The following RELN variants were observed in gnomAD, a reference collection of about 807,000 sequenced individuals.
RELN encodes reelin.
Under a neutral mutation model 427.6 loss-of-function variants are expected in RELN, and 108 were observed. The observed-to-expected ratio is 0.25, with a 90% confidence interval of 0.22 to 0.30. The LOEUF is 0.30. Ranked by LOEUF, RELN falls within the 10% of genes least tolerant of loss-of-function variation. RELN has a pLI of 1.00. For missense variants in RELN, 3,715 were observed against 4,302.8 expected, an observed-to-expected ratio of 0.86 and a Z score of 3.82; for synonymous variants, 1,524 against 1,513.4, an observed-to-expected ratio of 1.01 and a Z score of -0.16.
intron 28 of RELN, among the ~76,000 whole-genome samples, chr7:103,583,943 C>T (rs923964756): frequency 2.0e-5 from 3 of 152,182 alleles, no homozygotes; most frequent in Non-Finnish European, 4.4e-5. Context: ...TCACTCATGC[C>T]CCACTCCTGA....
Position 103,735,420 on chromosome 7 carries a change from C to T in RELN, c.657-7213G>A, listed in dbSNP as rs576484239. Among the ~76,000 whole-genome samples the T allele has an allele frequency of 3.9e-5, 6 of 152,138 alleles. No individual in the cohort carries two copies. In the East Asian group the frequency reaches 1.2e-3, roughly 29 times the overall value. On this transcript the variant is annotated intron_variant, in intron 6 of 64. Transcript: ENST00000428762. ...TATGCTCAACCACCCATTCATTGGGCACAGAGGAAGATGAAGTGAAATGTC... is the reference window on the plus strand; with the variant it reads ...TATGCTCAACCACCCATTCATTGGGTACAGAGGAAGATGAAGTGAAATGTC...
chr7:103,580,211 A>G (rs771605666), intron 28 of RELN, among the ~76,000 whole-genome samples: 1 of 152,260 alleles, frequency 6.6e-6, no homozygotes, highest in Non-Finnish European at 1.5e-5. Context: ...TAGAATTCTC[A>G]GTTTTCCAAC....
At position 103,852,900 on chromosome 7, in the gene RELN, T is replaced by C. The variant is rs1181558959; in HGVS notation, c.338-19228A>G. 2.0e-5 allele frequency among the ~76,000 whole-genome samples: 3 copies of C among 152,030 alleles called. No homozygotes were observed. In the East Asian group the frequency reaches 5.8e-4, roughly 29 times the overall value. The stretch of plus-strand genomic sequence containing the variant: ...ATGTTTGCAGTTCTTCTAATTCCAA[T>C]AGTGCCTAGACAAGACAAATAACAA... On this transcript the variant is annotated intron_variant, in intron 2 of 64. Transcript: ENST00000428762.
At chr7:103,599,759 T>C (rs1831620738) in intron 24 of RELN, among the ~76,000 whole-genome samples, 1 of 152,048 alleles carries the variant, frequency 6.6e-6, no homozygotes, top group African/African-American at 2.4e-5. Context: ...ACTTGGATGG[T>C]GAGAAGAGCT....
At chr7:103,476,163 A>G (rs1441441465) in intron 64 of RELN, among the ~76,000 whole-genome samples, 1 of 152,168 alleles carries the variant, frequency 6.6e-6, no homozygotes, top group Non-Finnish European at 1.5e-5. Context: ...TAGTGTTTAT[A>G]TAGTCACATT....
At chr7:103,929,474 C>T (rs918336642) in intron 1 of RELN, among the ~76,000 whole-genome samples, 4 of 152,140 alleles carry the variant, frequency 2.6e-5, no homozygotes, top group Admixed American at 6.5e-5. Flanking sequence ...TCCTAGGAGA[C>T]GTACAGAGTT....
chr7:103,602,538 G>A (rs1831695817), intron 24 of RELN, among the ~76,000 whole-genome samples: 1 of 152,138 alleles, frequency 6.6e-6, no homozygotes, highest in Non-Finnish European at 1.5e-5. Flanking sequence ...GCAGGGACAT[G>A]GATGAAGTTG....
rs748056393 is a variant in RELN at position 103,519,521 on chromosome 7, G to A, written c.7669-5C>T. The A allele has an allele frequency of 1.3e-6, 2 of 1,595,238 alleles. No individual in the cohort carries two copies. The highest frequency in any genetic ancestry group is 2.7e-5 in the African/African-American group (2 of 73,834). On this transcript the variant is annotated splice_polypyrimidine_tract_variant and splice_region_variant and intron_variant, in intron 48 of 64. Transcript: ENST00000428762. The stretch of plus-strand genomic sequence containing the variant: ...GACTAATAATCGACTACAACCCTAA[G>A]AAAAAGAAGTAAAATAAAAAAAAGT...
chr7:103,768,932 G>A (rs1791494177), intron 4 of RELN, among the ~76,000 whole-genome samples: 1 of 152,110 alleles, frequency 6.6e-6, no homozygotes, highest in Non-Finnish European at 1.5e-5. Flanking sequence ...TGGAGGAAAT[G>A]TGTGCTATCT....
chr7:103,513,202 C>T (rs1271221252), intron 50 of RELN: 3 of 152,178 alleles, frequency 2.0e-5, no homozygotes, highest in Admixed American at 6.5e-5. Context: ...TTGCATTGCT[C>T]AACTAACTAA....
At position 103,562,371 on chromosome 7, in the gene RELN, G is replaced by A. The variant is rs553376727; in HGVS notation, c.5211-418C>T. On this transcript the variant is annotated intron_variant, in intron 34 of 64. Coordinates refer to ENST00000428762, the MANE Select transcript of RELN (RefSeq NM_005045.4). ...TTAGGGTCTTAAAAGTTCTGGCAGT[G>A]AGGTCTCTATTTTACTGTCCCGGAA... 4.6e-5 allele frequency among the ~76,000 whole-genome samples: 7 copies of A among 152,310 alleles called. No individual in the cohort carries two copies. In the East Asian group the frequency reaches 1.2e-3, roughly 25 times the overall value.
intron 40 of RELN, among the ~76,000 whole-genome samples, chr7:103,552,254 T>TA (rs1313033040): frequency 6.6e-6 from 1 of 152,146 alleles, no homozygotes; most frequent in Non-Finnish European, 1.5e-5. Flanking sequence ...ATTCTTTCTA[T>TA]AAAAAATTTC....
chr7:103,521,631 G>A (rs1243742681), intron 48 of RELN, among the ~76,000 whole-genome samples: 1 of 152,160 alleles, frequency 6.6e-6, no homozygotes, highest in Non-Finnish European at 1.5e-5. Flanking sequence ...GATTGCACAA[G>A]TGCTCTTTTC....
At chr7:103,726,632 G>A (rs1428039446) in intron 7 of RELN, among the ~76,000 whole-genome samples, 1 of 151,994 alleles carries the variant, frequency 6.6e-6, no homozygotes, top group African/African-American at 2.4e-5. Flanking sequence ...TATATTCTTA[G>A]ATATTTTTAT....
intron 57 of RELN, among the ~76,000 whole-genome samples, chr7:103,492,660 A>C (rs1486730683): frequency 6.6e-6 from 1 of 152,244 alleles, no homozygotes; most frequent in East Asian, 1.9e-4. Flanking sequence ...ACAGTCATGA[A>C]TAAAACAACT....
At position 103,703,798 on chromosome 7, in the gene RELN, G is replaced by A. The variant is rs563021255; in HGVS notation, c.806-2792C>T. Among the ~76,000 whole-genome samples the A allele has an allele frequency of 5.9e-5, 9 of 152,242 alleles. No homozygotes were observed. In the East Asian group the frequency reaches 1.7e-3, roughly 29 times the overall value. On this transcript the variant is annotated intron_variant, in intron 8 of 64. Coordinates refer to ENST00000428762, the MANE Select transcript of RELN (RefSeq NM_005045.4). ...TTGTTGAAGGAGGAAAGGTAATGGA[G>A]AACTTTGGCTATTAAGGTATGGTCT...
chr7:103,665,335 A>G (rs1833237635), intron 11 of RELN, among the ~76,000 whole-genome samples: 1 of 144,364 alleles, frequency 6.9e-6, no homozygotes, highest in Non-Finnish European at 1.5e-5. Flanking sequence ...TATCATACAT[A>G]TGGTGTGTGT....
intron 1 of RELN, among the ~76,000 whole-genome samples, chr7:103,941,866 A>G (rs1796121697): frequency 6.6e-6 from 1 of 151,976 alleles, no homozygotes; most frequent in Non-Finnish European, 1.5e-5. Context: ...ACTGTGACAG[A>G]GAGAGAGAAC....
chr7:103,548,929 T>A (rs938533346), intron 41 of RELN, among the ~76,000 whole-genome samples: 1 of 152,232 alleles, frequency 6.6e-6, no homozygotes, highest in South Asian at 2.1e-4. Context: ...GATGGGATTA[T>A]TTCCAAGTGG....
Sources: allele counts gnomAD v4.1 joint callset (sites outside exome capture counted in the v4.1 genomes callset), GRCh38; gene constraint gnomAD v4.1.1; transcripts MANE v1.5; gene names NCBI Gene and HGNC (gene_info 2026-07-23, HGNC 2026-07-21).